Variants in CLCN1 observed in about 807,000 individuals in gnomAD.
CLCN1 encodes chloride channel protein 1.
A neutral mutation model predicts 114.5 loss-of-function variants in CLCN1; 100 were observed. The ratio of observed to expected loss-of-function variants is 0.87; its 90% CI spans 0.74 to 1.03. The LOEUF (loss-of-function observed/expected upper bound fraction) is 1.03. CLCN1 is among the 50% of genes least tolerant of loss of function. The probability of loss-of-function intolerance (pLI) is 0.00; values close to 1 mark genes in which losing one functional copy is unlikely to be tolerated. For missense variants in CLCN1, 1,188 were observed against 1,250.0 expected (o/e 0.95, Z 0.75); for synonymous variants, 485 against 487.1 (o/e 1.00, Z 0.06).
At chr7:143,323,567 G>C (rs1292825825) in intron 6 of CLCN1, 181 bp downstream of exon 6, 2 of 704,082 alleles carry the variant, frequency 2.8e-6, no homozygotes, top group Non-Finnish European at 5.3e-6. Flanking sequence ...TGATGCCTCT[G>C]TTTAGCCTGT....
chr7:143,347,693 C>G (rs186613635), intron 20 of CLCN1, among the ~76,000 whole-genome samples: 4 of 150,176 alleles, frequency 2.7e-5, no homozygotes, highest in Non-Finnish European at 4.4e-5. Context: ...CTGGATTGAT[C>G]AGGGCCCTGA....
chr7:143,331,923 G>C (rs1235015716), intron 10 of CLCN1, among the ~76,000 whole-genome samples: 1 of 152,128 alleles, frequency 6.6e-6, no homozygotes, highest in Non-Finnish European at 1.5e-5. Context: ...CTGCCTCCTG[G>C]GTTCAAGCGA....
chr7:143,337,807 C>CTTTTTT lies in CLCN1; in HGVS notation c.1402-1414_1402-1409dup, dbSNP rs869078445. Among the ~76,000 whole-genome samples the CTTTTTT allele has an allele frequency of 2.4e-4, 11 of 46,046 alleles. 3 individuals are homozygous for CTTTTTT. The highest frequency in any genetic ancestry group is 4.0e-4 in the Non-Finnish European group (10 of 24,862). The allele number at this position is 46,046 out of a possible 152,430, so 30.2% of individuals were successfully genotyped here. A position where few individuals can be genotyped will look rare whatever the true frequency, so the allele number is the denominator to read the frequency against. The stretch of plus-strand genomic sequence containing the variant: ...CTTTTTTCCATTCTATTTCTCAATT[C>CTTTTTT]TTTTTTTTTTTTTTTTTTTTTTTTT... On this transcript the variant is annotated intron_variant, in intron 12 of 22. Transcript: ENST00000343257.
At chr7:143,316,729 G>T (rs746191146) in intron 1 of CLCN1, among the ~76,000 whole-genome samples, 1 of 152,188 alleles carries the variant, frequency 6.6e-6, no homozygotes, top group East Asian at 1.9e-4. Flanking sequence ...ACTGCAGTGT[G>T]CTGGGAGCTG....
chr7:143,320,406 G>C (rs1461712237), intron 2 of CLCN1, among the ~76,000 whole-genome samples: 1 of 152,132 alleles, frequency 6.6e-6, no homozygotes, highest in South Asian at 2.1e-4. Flanking sequence ...ACTGGGCTTT[G>C]GTGCCTTTTG....
chr7:143,320,316 C>T (rs1037707293), intron 2 of CLCN1, among the ~76,000 whole-genome samples: 5 of 152,174 alleles, frequency 3.3e-5, no homozygotes, highest in African/African-American at 9.7e-5. Flanking sequence ...TCACCTCCTT[C>T]GCACTTTGCC....
At chr7:143,341,802 CATTA>C in intron 14 of CLCN1, 123 bp from the exon 15 acceptor site, 1 of 745,778 alleles carries the variant, frequency 1.3e-6, no homozygotes, top group African/African-American at 1.7e-5. Context: ...CTTGACAAGT[CATTA>C]TGAGTATTGG....
chr7:143,335,881 C>T (rs1196107676), intron 12 of CLCN1, among the ~76,000 whole-genome samples: 10 of 151,982 alleles, frequency 6.6e-5, no homozygotes, highest in African/African-American at 9.7e-5. Context: ...AGGATGGTCT[C>T]GATCTCCTTG....
chr7:143,333,241 T>C (rs1418952928), intron 12 of CLCN1, among the ~76,000 whole-genome samples: 2 of 151,510 alleles, frequency 1.3e-5, no homozygotes, highest in African/African-American at 2.4e-5. Flanking sequence ...GTGGAGGTTG[T>C]AGTGAGCCAA....
chr7:143,318,612 G>T (rs1453200006), intron 1 of CLCN1, among the ~76,000 whole-genome samples: 1 of 152,176 alleles, frequency 6.6e-6, no homozygotes, highest in Non-Finnish European at 1.5e-5. Flanking sequence ...CCCTCACCCT[G>T]CCCTGCATGG....
At chr7:143,344,913 G>A (rs1803187445) in intron 16 of CLCN1, among the ~76,000 whole-genome samples, 1 of 152,052 alleles carries the variant, frequency 6.6e-6, no homozygotes, top group South Asian at 2.1e-4. Context: ...ACCACGCCCA[G>A]CTAATTTTTT....
intron 2 of CLCN1, 23 bp from the exon 3 acceptor site, chr7:143,320,641 T>C (rs1181466451): frequency 6.2e-7 from 1 of 1,608,462 alleles, no homozygotes; most frequent in Admixed American, 1.7e-5. Context: ...TGTTTGTTTG[T>C]TTTTTCCCTC....
intron 1 of CLCN1, among the ~76,000 whole-genome samples, chr7:143,316,676 G>A (rs537853767): frequency 2.6e-5 from 4 of 152,140 alleles, no homozygotes; most frequent in East Asian, 1.9e-4. Flanking sequence ...TGAATAGCTC[G>A]TGCTTACATA....
In CLCN1 at chr7:143,320,778, G is replaced by A; in HGVS notation, c.416G>A (p.Ser139Asn). 6.2e-7 allele frequency: 1 copy of A among 1,614,036 alleles called. No homozygotes were observed. Among genetic ancestry groups the A allele is most frequent in the Non-Finnish European group, 8.5e-7 (1 of 1,179,928 alleles). ...GTCAGCTGGAGCATGGACTACGTCA[G>A]TGCCAAAAGCCTTCAGGGTAGGTTT... ...ALVSWSMDYV[S>N]AKSLQAYKWS... The change falls in exon 3 of 23, where the codon AGT (serine) becomes AAT (asparagine). Residue 139 changes from serine (S) to asparagine (N), a missense_variant. By Grantham distance (46) the Ser-to-Asn change is conservative. Transcript: ENST00000343257.
rs767499203 is a variant in CLCN1 at position 143,351,980 on chromosome 7, C to T, written c.*15C>T. 5.0e-6 allele frequency: 8 copies of T among 1,612,336 alleles called. No homozygotes were observed. The highest frequency in any genetic ancestry group is 6.8e-6 in the Non-Finnish European group (8 of 1,180,022). On this transcript the variant is annotated 3_prime_UTR_variant, in exon 23 of 23. Coordinates refer to ENST00000343257, the MANE Select transcript of CLCN1 (RefSeq NM_000083.3). ...TGATCCTTTGACCCCCTCCCACGAC[C>T]TCCTCATAAAGACCGTGGAGAGGCC... is the stretch of plus-strand genomic sequence containing the variant.
intron 8 of CLCN1, 32 bp from the exon 9 acceptor site, chr7:143,331,200 C>T (rs1255796358): frequency 3.4e-6 from 5 of 1,473,386 alleles, no homozygotes; most frequent in Non-Finnish European, 4.8e-6. Flanking sequence ...CTACGAAGCT[C>T]CCATCGTAAT....
rs1157008927 is a variant in CLCN1, at chr7:143,332,461, A to C, written c.1209A>C (p.Ser403=). Residue 403 remains serine, a synonymous_variant, in exon 11 of 23, where the codon TCA becomes TCC. Transcript: ENST00000343257. ...YPGIVTFVIA[S]FTFPPGMGQF... ...GAATTGTTACCTTTGTCATTGCCTC[A>C]TTCACCTTCCCACCAGGAATGGGTC... 6.2e-7 allele frequency: 1 copy of C among 1,613,932 alleles called. No individual in the cohort carries two copies. The highest frequency in any genetic ancestry group is 8.5e-7 in the Non-Finnish European group (1 of 1,180,010).
Position 143,324,459 on chromosome 7 carries a change from G to A in CLCN1, c.820G>A (p.Gly274Arg). 6.2e-7 allele frequency: 1 copy of A among 1,613,960 alleles called. No homozygotes were observed. The highest frequency in any genetic ancestry group is 8.5e-7 in the Non-Finnish European group (1 of 1,180,004). ...SDILTVGCAV[G>R]VGCCFGTPLG... ...TATCCTGACGGTGGGCTGTGCTGTG[G>A]GAGTCGGCTGTTGTTTTGGGACACC... The change falls in exon 7 of 23, where the codon GGA (glycine) becomes AGA (arginine). Residue 274 changes from glycine (G) to arginine (R), a missense_variant. Gly to Arg is a moderately radical substitution (Grantham distance 125). Transcript: ENST00000343257. The surrounding 1 kb of genome is among the most constrained non-coding windows in gnomAD (Gnocchi z 4.6).
rs760323048 is a variant in CLCN1 at position 143,323,317 on chromosome 7, C to T, written c.705C>T (p.Phe235=). Residue 235 remains phenylalanine, a synonymous_variant, in exon 6 of 23, where the codon TTC becomes TTT. Transcript: ENST00000343257. ...CGCTCCCCCTCTCCCAGGGCCCCTT[C>T]GTCCACATTGCCAGCATCTGTGCTG... The part of the protein sequence containing the change: ...SGIPVGKEGP[F]VHIASICAAV... 3.6e-5 allele frequency: 58 copies of T among 1,612,178 alleles called. No individual in the cohort carries two copies. In the South Asian group the frequency reaches 5.1e-4, roughly 14 times the overall value.
Sources: gnomAD v4.1 joint callset for allele counts (sites outside exome capture counted in the v4.1 genomes callset) on GRCh38, gnomAD v4.1.1 for gene constraint, Gnocchi (gnomAD v3.1) non-coding constraint, MANE v1.5 for transcripts, NCBI Gene and HGNC (gene_info 2026-07-23, HGNC 2026-07-21) for gene names.